GRM7: variants seen among roughly 807,000 people sequenced by gnomAD.
GRM7 encodes the protein glutamate metabotropic receptor 7, also known as metabotropic glutamate receptor 7.
In GRM7, 35 loss-of-function variants were observed where a neutral mutation model predicts 84.5. The observed-to-expected ratio is 0.41, with a 90% CI of 0.32 to 0.55. GRM7 has a LOEUF of 0.55. Among genes scored for constraint, GRM7 ranks in the 20% least tolerant of loss-of-function variants. The pLI, the probability that GRM7 is intolerant of heterozygous loss-of-function variation, is 0.19. For missense variants in GRM7, 1,003 were observed against 1,194.6 expected (o/e 0.84, Z 2.36); for synonymous variants, 487 against 455.1 (o/e 1.07, Z -0.89).
In GRM7 at chr3:6,906,303, G is replaced by C. The variant is rs111237107; in HGVS notation, c.519+44396G>C. Among the ~76,000 whole-genome samples the C allele has an allele frequency of 3.2e-3, 486 of 152,282 alleles. 6 individuals carry two copies. Among genetic ancestry groups the C allele is most frequent in the African/African-American group, 0.011 (471 of 41,574 alleles). ...TTATCTCACTGGGCAGCTGGAACAA[G>C]TTACATGCTGAAGCTAAGTCAGTGC... On this transcript the variant is annotated intron_variant, in intron 1 of 9. Coordinates refer to ENST00000357716, the MANE Select transcript of GRM7 (RefSeq NM_000844.4).
chr3:7,442,191 T>C (rs1394708885), intron 5 of GRM7, among the ~76,000 whole-genome samples: 1 of 152,098 alleles, frequency 6.6e-6, no homozygotes. Context: ...TAGATATCTT[T>C]CACCTCCCTG....
intron 5 of GRM7, among the ~76,000 whole-genome samples, chr3:7,449,963 TAGAA>T (rs1447872619): frequency 2.6e-5 from 4 of 152,070 alleles, no homozygotes; most frequent in Non-Finnish European, 4.4e-5. Flanking sequence ...TGCATTTTAT[TAGAA>T]AGAAATGAAT....
chr3:7,418,476 T>A (rs529258195), intron 5 of GRM7, among the ~76,000 whole-genome samples: 3 of 152,162 alleles, frequency 2.0e-5, no homozygotes, highest in African/African-American at 7.2e-5. Context: ...CAATGCTAGA[T>A]ATACACATAG....
intron 7 of GRM7, among the ~76,000 whole-genome samples, chr3:7,464,262 A>T (rs1298974458): frequency 1.3e-5 from 2 of 152,070 alleles, no homozygotes; most frequent in East Asian, 3.9e-4. Context: ...ATGTAACGTG[A>T]GGCACTGTGT....
intron 7 of GRM7, among the ~76,000 whole-genome samples, chr3:7,528,839 G>A (rs1700913461): frequency 6.6e-6 from 1 of 151,744 alleles, no homozygotes; most frequent in Non-Finnish European, 1.5e-5. Context: ...AGTGCCTTTT[G>A]GTATTGATTT....
chr3:6,920,710 T>C (rs1697095426), intron 1 of GRM7, among the ~76,000 whole-genome samples: 1 of 152,176 alleles, frequency 6.6e-6, no homozygotes, highest in Non-Finnish European at 1.5e-5. Flanking sequence ...ATACCCATGA[T>C]TTCCACTGCT....
intron 5 of GRM7, among the ~76,000 whole-genome samples, chr3:7,444,583 T>TG (rs1276855478): frequency 1.6e-4 from 24 of 152,180 alleles, no homozygotes; most frequent in Admixed American, 2.6e-4. Flanking sequence ...ATAAAGTCCT[T>TG]GGTGGAGTCT....
chr3:7,718,018 TAAAAG>T (rs1008370487), intron 9 of GRM7, among the ~76,000 whole-genome samples: 2 of 151,322 alleles, frequency 1.3e-5, no homozygotes, highest in Non-Finnish European at 2.9e-5. Flanking sequence ...CATCGCCTAT[TAAAAG>T]AAGAGGTTTG....
chr3:7,180,580 T>G (rs952281087), intron 2 of GRM7, among the ~76,000 whole-genome samples: 4 of 152,192 alleles, frequency 2.6e-5, no homozygotes, highest in Non-Finnish European at 4.4e-5. Flanking sequence ...TCAAATCTAG[T>G]GTGTTTTGAC....
At position 6,919,391 on chromosome 3, in the gene GRM7, G is replaced by A. The variant is rs1196524892; in HGVS notation, c.519+57484G>A. Among the ~76,000 whole-genome samples, 4 of 119,308 alleles carry A rather than the reference G, an allele frequency of 3.4e-5. 1 individual carries two copies. Among genetic ancestry groups the A allele is most frequent in the East Asian group, 2.5e-4 (1 of 3,964 alleles). 78.3% of individuals were successfully genotyped at this position (119,308 alleles called of 152,430 possible). A position where few individuals can be genotyped will look rare whatever the true frequency, so the allele number is the denominator to read the frequency against. Reference sequence around the variant, plus strand: ...TTTTTTTTTTTTTTTTTTTTTAATAGAGATGGGGTTTCCACCATGTTGGCC... The same window carrying A: ...TTTTTTTTTTTTTTTTTTTTTAATAAAGATGGGGTTTCCACCATGTTGGCC... On this transcript the variant is annotated intron_variant, in intron 1 of 9. Transcript: ENST00000357716.
chr3:6,970,170 T>C (rs1693689474), intron 1 of GRM7, among the ~76,000 whole-genome samples: 1 of 151,634 alleles, frequency 6.6e-6, no homozygotes, highest in Non-Finnish European at 1.5e-5. Flanking sequence ...ACTCAGGGCA[T>C]CTTCCAGTGC....
intron 1 of GRM7, among the ~76,000 whole-genome samples, chr3:7,083,072 G>A (rs1159040987): frequency 6.6e-6 from 1 of 152,104 alleles, no homozygotes; most frequent in Non-Finnish European, 1.5e-5. Context: ...GCTTTGAGAG[G>A]ATTGACTCCA....
chr3:7,517,814 T>G (rs1425507772), intron 7 of GRM7, among the ~76,000 whole-genome samples: 1 of 152,236 alleles, frequency 6.6e-6, no homozygotes, highest in Admixed American at 6.5e-5. Context: ...CTGAACTTCT[T>G]TTATCACCAG....
chr3:7,515,900 T>A (rs1575438896), intron 7 of GRM7, among the ~76,000 whole-genome samples: 1 of 151,178 alleles, frequency 6.6e-6, no homozygotes, highest in Non-Finnish European at 1.5e-5. Flanking sequence ...CCCAGCACTT[T>A]GGGAGACAGA....
At chr3:6,981,279 A>G (rs1218796033) in intron 1 of GRM7, among the ~76,000 whole-genome samples, 1 of 152,208 alleles carries the variant, frequency 6.6e-6, no homozygotes, top group African/African-American at 2.4e-5. Context: ...TTATAGTTAC[A>G]CGCACTGTCT....
chr3:7,117,951 C>T (rs1357110057), intron 1 of GRM7, among the ~76,000 whole-genome samples: 1 of 152,060 alleles, frequency 6.6e-6, no homozygotes, highest in Non-Finnish European at 1.5e-5. Context: ...TATCTTTTAT[C>T]AAGTTCTGGG....
intron 4 of GRM7, among the ~76,000 whole-genome samples, chr3:7,348,022 G>A (rs1692967911): frequency 1.3e-5 from 2 of 152,136 alleles, no homozygotes; most frequent in African/African-American, 4.8e-5. Context: ...GGAAACTGAG[G>A]CACTTAGCAG....
chr3:7,226,160 T>C (rs1696974473), intron 2 of GRM7, among the ~76,000 whole-genome samples: 1 of 152,224 alleles, frequency 6.6e-6, no homozygotes. Context: ...CATCTTCTAT[T>C]GCTGTGTAAC....
At chr3:7,085,089 G>T (rs538752015) in intron 1 of GRM7, among the ~76,000 whole-genome samples, 1 of 152,246 alleles carries the variant, frequency 6.6e-6, no homozygotes, top group Admixed American at 6.5e-5. Flanking sequence ...TGCTTTAGAA[G>T]TCCATTGAGT....
Sources: allele counts gnomAD v4.1 joint callset (sites outside exome capture counted in the v4.1 genomes callset), GRCh38; gene constraint gnomAD v4.1.1; transcripts MANE v1.5; gene names NCBI Gene and HGNC (gene_info 2026-07-23, HGNC 2026-07-21).